NEGR1: variants seen among roughly 807,000 people sequenced by gnomAD.
The protein encoded by NEGR1 is IgLON family member 4.
NEGR1 carries 10 observed loss-of-function variants against 40.9 expected under a neutral mutation model. That is an observed-to-expected ratio of 0.24 (90% confidence interval 0.15 to 0.42). The LOEUF is 0.42. Among genes scored for constraint, NEGR1 ranks in the 10% least tolerant of loss-of-function variants. The pLI is 1.00. For synonymous variants in NEGR1, 185 were observed against 166.8 expected, an observed-to-expected ratio of 1.11 and a Z score of -0.84; for missense variants, 352 against 438.9, an observed-to-expected ratio of 0.80 and a Z score of 1.77.
At chr1:72,275,154 G>T in intron 1 of NEGR1, 1 of 658,440 alleles carries the variant, frequency 1.5e-6, no homozygotes, top group Non-Finnish European at 2.7e-6. Flanking sequence ...CCACCCATGT[G>T]TTTTTCTAAT....
chr1:72,217,729 A>T (rs1002549651), intron 1 of NEGR1, among the ~76,000 whole-genome samples: 2 of 151,876 alleles, frequency 1.3e-5, no homozygotes, highest in Admixed American at 1.3e-4. Flanking sequence ...CAAAACAGTG[A>T]AACAGCCCTA....
chr1:72,059,018 G>A (rs1033304396), intron 1 of NEGR1, among the ~76,000 whole-genome samples: 19 of 151,544 alleles, frequency 1.3e-4, no homozygotes, highest in African/African-American at 3.6e-4. Context: ...TGGAAAATGC[G>A]CATTGGAAAT....
intron 1 of NEGR1, among the ~76,000 whole-genome samples, chr1:72,185,402 C>G (rs536231970): frequency 1.3e-5 from 2 of 151,826 alleles, no homozygotes; most frequent in Non-Finnish European, 2.9e-5. Flanking sequence ...ACTCTCCAAA[C>G]AATCCATTAA....
intron 6 of NEGR1, among the ~76,000 whole-genome samples, chr1:71,584,170 A>G (rs1649226121): frequency 6.6e-6 from 1 of 152,182 alleles, no homozygotes; most frequent in African/African-American, 2.4e-5. Flanking sequence ...ATTGAATTAC[A>G]TTTATAAAGA....
intron 1 of NEGR1, among the ~76,000 whole-genome samples, chr1:72,244,456 AGT>A (rs1238142790): frequency 6.6e-6 from 1 of 151,976 alleles, no homozygotes; most frequent in Admixed American, 6.6e-5. Flanking sequence ...CATATATGTA[AGT>A]GTATGCAAAT....
At chr1:71,812,378 A>G (rs1041184577) in intron 2 of NEGR1, among the ~76,000 whole-genome samples, 1 of 152,146 alleles carries the variant, frequency 6.6e-6, no homozygotes, top group African/African-American at 2.4e-5. Context: ...GTATCTTTAT[A>G]ATAGAATAAT....
intron 6 of NEGR1, among the ~76,000 whole-genome samples, chr1:71,510,904 T>A (rs1647068869): frequency 6.6e-6 from 1 of 152,190 alleles, no homozygotes; most frequent in South Asian, 2.1e-4. Flanking sequence ...GAAGCAACAC[T>A]CAGACTGGAA....
chr1:71,649,973 T>C (rs894797766), intron 4 of NEGR1, among the ~76,000 whole-genome samples: 5 of 152,038 alleles, frequency 3.3e-5, no homozygotes, highest in African/African-American at 1.2e-4. Flanking sequence ...AAATACCTAG[T>C]TTATGGAAAA....
At chr1:71,423,637 A>G (rs1557520957) in intron 6 of NEGR1, among the ~76,000 whole-genome samples, 1 of 152,168 alleles carries the variant, frequency 6.6e-6, no homozygotes, top group Non-Finnish European at 1.5e-5. Context: ...TACTTGCCAT[A>G]GATAACTTAC....
At position 71,559,019 on chromosome 1, in the gene NEGR1, G is replaced by GTGTGTATATATA. The variant is rs377263417; in HGVS notation, c.940+33797_940+33798insTATATATACACA. On this transcript the variant is annotated intron_variant, in intron 6 of 6. Coordinates refer to ENST00000357731, the MANE Select transcript of NEGR1 (RefSeq NM_173808.3). ...ATTTATTTATCTTCTCTGTGTGTGT[G>GTGTGTATATATA]TATATATATATATATATATATATAT... is the stretch of plus-strand genomic sequence containing the variant. Among the ~76,000 whole-genome samples the GTGTGTATATATA allele has an allele frequency of 6.4e-3, 735 of 113,994 alleles. 3 individuals are homozygous for GTGTGTATATATA. The highest frequency in any genetic ancestry group is 8.2e-3 in the Non-Finnish European group (451 of 54,756). The allele number at this position is 113,994 out of a possible 152,430, so 74.8% of individuals were successfully genotyped here.
chr1:71,507,268 G>A (rs1378057217), intron 6 of NEGR1, among the ~76,000 whole-genome samples: 1 of 152,198 alleles, frequency 6.6e-6, no homozygotes, highest in Non-Finnish European at 1.5e-5. Flanking sequence ...TAGTATTAAG[G>A]TGCAGTTTAC....
chr1:71,962,568 T>C (rs1218464031), intron 1 of NEGR1, among the ~76,000 whole-genome samples: 1 of 152,042 alleles, frequency 6.6e-6, no homozygotes, highest in Non-Finnish European at 1.5e-5. Context: ...TCTGCCCTAG[T>C]TGGCTCTATT....
intron 1 of NEGR1, among the ~76,000 whole-genome samples, chr1:72,028,335 G>T (rs1436523234): frequency 6.6e-6 from 1 of 152,004 alleles, no homozygotes; most frequent in Non-Finnish European, 1.5e-5. Flanking sequence ...TCAAAAGTAT[G>T]AATTATACTT....
intron 6 of NEGR1, among the ~76,000 whole-genome samples, chr1:71,527,278 C>T (rs1258318918): frequency 6.6e-6 from 1 of 151,420 alleles, no homozygotes; most frequent in Non-Finnish European, 1.5e-5. Flanking sequence ...CTGACAGAAA[C>T]CACAGAAGGT....
chr1:72,055,335 C>T (rs148906533), intron 1 of NEGR1, among the ~76,000 whole-genome samples: 1 of 151,138 alleles, frequency 6.6e-6, no homozygotes, highest in African/African-American at 2.4e-5. Context: ...TAACCTGAAC[C>T]TAATTTCAAT....
chr1:72,088,259 A>G (rs1406717547), intron 1 of NEGR1, among the ~76,000 whole-genome samples: 1 of 152,110 alleles, frequency 6.6e-6, no homozygotes, highest in Middle Eastern at 3.2e-3. Flanking sequence ...TTAGAAAGGC[A>G]AAGTGTCAGC....
At chr1:71,655,641 G>T (rs1464756379) in intron 4 of NEGR1, among the ~76,000 whole-genome samples, 1 of 152,106 alleles carries the variant, frequency 6.6e-6, no homozygotes, top group Admixed American at 6.5e-5. Flanking sequence ...TTCTTGTTTT[G>T]TGACATATAT....
intron 6 of NEGR1, among the ~76,000 whole-genome samples, chr1:71,443,726 A>G (rs927004632): frequency 2.1e-4 from 32 of 152,196 alleles, no homozygotes; most frequent in African/African-American, 7.5e-4. Flanking sequence ...TGCTTTGCCT[A>G]ATGTTAACAG....
intron 1 of NEGR1, among the ~76,000 whole-genome samples, chr1:72,179,104 C>G (rs942363650): frequency 2.6e-5 from 4 of 151,860 alleles, no homozygotes; most frequent in Non-Finnish European, 4.4e-5. Context: ...ATGGTATTTC[C>G]TAGATTTTCT....
Sources: gnomAD v4.1 joint callset for allele counts (sites outside exome capture counted in the v4.1 genomes callset) on GRCh38, gnomAD v4.1.1 for gene constraint, MANE v1.5 for transcripts, NCBI Gene and HGNC (gene_info 2026-07-23, HGNC 2026-07-21) for gene names.